The following TG variants were observed in gnomAD, a reference collection of about 807,000 sequenced individuals.
TG encodes the protein thyroid hormones.
Under a neutral mutation model 324.7 loss-of-function variants are expected in TG, and 270 were observed. That is an observed-to-expected ratio of 0.83 (90% CI 0.75 to 0.92). The LOEUF (loss-of-function observed/expected upper bound fraction) is 0.92. Ranked by LOEUF, TG falls within the 40% of genes least tolerant of loss-of-function variation. The probability of loss-of-function intolerance (pLI) is 0.00; values close to 1 mark genes in which losing one functional copy is unlikely to be tolerated. For missense variants in TG, 3,591 were observed against 3,456.4 expected (o/e 1.04, Z -0.98); for synonymous variants, 1,401 against 1,327.0 (o/e 1.06, Z -1.21).
chr8:132,987,269 G>T (rs578203288), intron 35 of TG, among the ~76,000 whole-genome samples: 14 of 152,286 alleles, frequency 9.2e-5, no homozygotes, highest in Admixed American at 3.3e-4. Context: ...ATTTTGGCAT[G>T]TTCCTTTGAT....
At chr8:133,116,768 C>T in intron 45 of TG, 52 bp downstream of exon 45, 1 of 1,491,986 alleles carries the variant, frequency 6.7e-7, no homozygotes, top group African/African-American at 1.4e-5. Flanking sequence ...AATGATAAGT[C>T]CCAGTTCGAT....
At chr8:132,904,857 C>T (rs1818443637) in intron 16 of TG, among the ~76,000 whole-genome samples, 1 of 152,166 alleles carries the variant, frequency 6.6e-6, no homozygotes. Context: ...CATTGACACC[C>T]CACTTCTTAC....
intron 10 of TG, 37 bp from the exon 11 acceptor site, chr8:132,893,653 G>T (rs1462971382): frequency 6.2e-7 from 1 of 1,613,346 alleles, no homozygotes; most frequent in Non-Finnish European, 8.5e-7. Context: ...AGTCCACGTG[G>T]TGAGTGAGTC....
At chr8:132,882,780 A>G in intron 7 of TG, 34 bp from the exon 8 acceptor site, 2 of 1,614,036 alleles carry the variant, frequency 1.2e-6, no homozygotes, top group Non-Finnish European at 1.7e-6. Flanking sequence ...AGCATTGTTG[A>G]CACTGTCTTC....
At chr8:133,100,804 A>G (rs550843568) in intron 43 of TG, among the ~76,000 whole-genome samples, 1 of 152,212 alleles carries the variant, frequency 6.6e-6, no homozygotes, top group South Asian at 2.1e-4. Context: ...TTCTACCCAC[A>G]TTCTTTTTTT....
Position 132,919,378 on chromosome 8 carries a change from A to G in TG, c.4381A>G (p.Lys1461Glu). Residue 1461 changes from lysine to glutamate, a missense_variant and splice_region_variant, in exon 21 of 48, where the codon AAG (lysine) becomes GAG (glutamate). Lys to Glu is a moderately conservative substitution (Grantham distance 56). Transcript: ENST00000220616. ...EASQDGLGCV[K>E]CPEGSYSQDE... ...ATCATTTCTCTGTTTTTTTCTAGTT[A>G]AGTGTCCTGAAGGAAGCTATTCCCA... is the stretch of plus-strand genomic sequence containing the variant. The G allele has an allele frequency of 6.2e-7, 1 of 1,613,782 alleles. No homozygotes were observed. The highest frequency in any genetic ancestry group is 8.5e-7 in the Non-Finnish European group (1 of 1,179,890).
At chr8:133,047,740 G>T in intron 41 of TG, 1 of 798,522 alleles carries the variant, frequency 1.3e-6, no homozygotes. Context: ...GACGTAGGAG[G>T]AAGGAAAATG....
Position 132,963,038 on chromosome 8 carries a change from G to A in TG, c.5512G>A (p.Asp1838Asn), listed in dbSNP as rs2069561. ...GCCTGAGTCTATGGGATGTAGAAAA[G>A]ACACAGTGCCAAGGCCAGCATCTCC... is the stretch of plus-strand genomic sequence containing the variant. ...SRPESMGCRK[D>N]TVPRPASPTE... Residue 1838 changes from aspartate to asparagine, a missense_variant, in exon 29 of 48, where the codon GAC (aspartate) becomes AAC (asparagine). Physicochemically the swap from Asp to Asn is conservative, Grantham distance 23 (BLOSUM62 1). Coordinates refer to ENST00000220616, the MANE Select transcript of TG (RefSeq NM_003235.5). The A allele has an allele frequency of 0.5, 808,168 of 1,613,286 alleles. 210,810 individuals are homozygous for A. The highest frequency in any genetic ancestry group is 0.59 in the Admixed American group (35,587 of 59,968).
Position 132,866,982 on chromosome 8 carries a change from C to G in TG, c.-19C>G. ...CAAGCAGTGGTTTCTCCTCCTTCCT[C>G]CCAGGAAGGGCCAGGAAAATGGCCC... On this transcript the variant is annotated 5_prime_UTR_variant, in exon 1 of 48. Transcript: ENST00000220616. 6.3e-7 allele frequency: 1 copy of G among 1,577,202 alleles called. No individual in the cohort carries two copies. Among genetic ancestry groups the G allele is most frequent in the Non-Finnish European group, 8.6e-7 (1 of 1,158,052 alleles).
At chr8:133,054,859 T>G (rs989051871) in intron 41 of TG, among the ~76,000 whole-genome samples, 3 of 152,210 alleles carry the variant, frequency 2.0e-5, no homozygotes, top group African/African-American at 7.2e-5. Context: ...ACGGGCCCTT[T>G]TGTAAACTGT....
chr8:133,046,846 A>C (rs1395413698), intron 41 of TG, among the ~76,000 whole-genome samples: 1 of 152,210 alleles, frequency 6.6e-6, no homozygotes, highest in Non-Finnish European at 1.5e-5. Flanking sequence ...TTCTGAAAGC[A>C]AGGCTGATGC....
At chr8:132,953,842 CT>C (rs148854197) in intron 27 of TG, among the ~76,000 whole-genome samples, 117 of 152,302 alleles carry the variant, frequency 7.7e-4, no homozygotes, top group African/African-American at 2.5e-3. Context: ...CAACTATTTG[CT>C]GCTGGCTGGG....
intron 5 of TG, among the ~76,000 whole-genome samples, chr8:132,873,618 A>G (rs982072125): frequency 2.0e-5 from 3 of 152,246 alleles, no homozygotes; most frequent in Non-Finnish European, 2.9e-5. Flanking sequence ...TAGAGCTGCT[A>G]GAACATTTGA....
At chr8:133,096,051 A>G (rs10106820) in intron 42 of TG, among the ~76,000 whole-genome samples, 155 bp from the exon 43 acceptor site, 31,785 of 152,156 alleles carry the variant, frequency 0.21, 3,717 homozygotes, top group Middle Eastern at 0.28. Context: ...ACTTTGTCAC[A>G]TGGTGTCCTG....
intron 45 of TG, among the ~76,000 whole-genome samples, chr8:133,124,933 A>G (rs529042829): frequency 6.6e-6 from 1 of 152,364 alleles, no homozygotes; most frequent in East Asian, 1.9e-4. Context: ...AACAAACCAA[A>G]GAAAATACGA....
intron 35 of TG, among the ~76,000 whole-genome samples, chr8:133,003,828 AG>A (rs1244439037): frequency 6.6e-6 from 1 of 152,052 alleles, no homozygotes; most frequent in Non-Finnish European, 1.5e-5. Flanking sequence ...TCTGGTTTGC[AG>A]GGGGTATCAC....
At chr8:133,082,490 A>C (rs184033508) in intron 41 of TG, among the ~76,000 whole-genome samples, 1 of 152,326 alleles carries the variant, frequency 6.6e-6, no homozygotes, top group African/African-American at 2.4e-5. Context: ...GAAGGAGCTC[A>C]CAGATGCCCA....
chr8:133,046,288 A>C (rs1275332721), intron 41 of TG, among the ~76,000 whole-genome samples: 2 of 152,200 alleles, frequency 1.3e-5, no homozygotes, highest in Admixed American at 1.3e-4. Context: ...TAATTCTCAG[A>C]AAGATCATAG....
intron 22 of TG, 66 bp from the exon 23 acceptor site, chr8:132,929,010 T>C: frequency 7.4e-7 from 1 of 1,344,246 alleles, no homozygotes; most frequent in East Asian, 2.3e-5. Context: ...TAACAGTCTT[T>C]ATGGCTTCTC....
Sources: gnomAD v4.1 joint callset for allele counts (sites outside exome capture counted in the v4.1 genomes callset) on GRCh38, gnomAD v4.1.1 for gene constraint, MANE v1.5 for transcripts, NCBI Gene and HGNC (gene_info 2026-07-23, HGNC 2026-07-21) for gene names.